Variants in ARB2A observed in about 807,000 individuals in gnomAD.
ARB2A encodes ARB2 cotranscriptional regulator A.
At chr5:93,658,235 T>C in the ARB2A span, among the ~76,000 whole-genome samples, 1 of 152,106 alleles carries the variant, frequency 6.6e-6, no homozygotes, top group African/African-American at 2.4e-5. Flanking sequence ...CTGCCAAAAA[T>C]GTGGTTAAGA....
the ARB2A span, chr5:93,862,303 C>G: frequency 6.6e-6 from 1 of 152,104 alleles, no homozygotes; most frequent in Non-Finnish European, 1.5e-5. Flanking sequence ...AAAATAAGTT[C>G]CCCTGAAAGT....
the ARB2A span, among the ~76,000 whole-genome samples, chr5:94,091,312 C>A: frequency 2.0e-5 from 3 of 152,134 alleles, no homozygotes; most frequent in Non-Finnish European, 4.4e-5. Context: ...TAAAACTTCA[C>A]CATTACAATC....
the ARB2A span, among the ~76,000 whole-genome samples, chr5:93,657,213 C>T: frequency 1.3e-5 from 2 of 152,226 alleles, no homozygotes; most frequent in South Asian, 4.1e-4. Context: ...AAACTGCTTC[C>T]TTTTGATTTT....
At chr5:93,942,922 C>T in the ARB2A span, among the ~76,000 whole-genome samples, 2 of 152,040 alleles carry the variant, frequency 1.3e-5, no homozygotes, top group Non-Finnish European at 2.9e-5. Context: ...TCTTAGACAT[C>T]ATTCCAGATT....
At chr5:94,086,700 C>T in the ARB2A span, among the ~76,000 whole-genome samples, 4 of 152,020 alleles carry the variant, frequency 2.6e-5, no homozygotes, top group Admixed American at 2.6e-4. Context: ...TTACAGGTGC[C>T]CGCCACCACG....
At chr5:93,660,633 T>A in the ARB2A span, among the ~76,000 whole-genome samples, 1 of 152,060 alleles carries the variant, frequency 6.6e-6, no homozygotes, top group Non-Finnish European at 1.5e-5. Flanking sequence ...GACACAGAAG[T>A]TTGGATTTCA....
At chr5:93,649,584 A>G in the ARB2A span, among the ~76,000 whole-genome samples, 1 of 152,272 alleles carries the variant, frequency 6.6e-6, no homozygotes, top group African/African-American at 2.4e-5. Context: ...AAATCTGTGT[A>G]TAAATTCTTT....
At chr5:94,005,667 A>C in the ARB2A span, among the ~76,000 whole-genome samples, 1 of 152,246 alleles carries the variant, frequency 6.6e-6, no homozygotes, top group Admixed American at 6.5e-5. Context: ...ATAATACATA[A>C]AGAACTCTTA....
chr5:93,801,985 C>T, the ARB2A span, among the ~76,000 whole-genome samples: 1 of 151,990 alleles, frequency 6.6e-6, no homozygotes, highest in South Asian at 2.1e-4. Flanking sequence ...GTATATTTAG[C>T]CTGTATTAGA....
the ARB2A span, among the ~76,000 whole-genome samples, chr5:93,635,785 T>C: frequency 4.6e-5 from 7 of 152,272 alleles, no homozygotes; most frequent in East Asian, 1.3e-3. Flanking sequence ...TACTAGTCAT[T>C]TCATGTATGA....
chr5:93,873,445 GAAAGGA>G, the ARB2A span, among the ~76,000 whole-genome samples: 1 of 147,604 alleles, frequency 6.8e-6, no homozygotes, highest in Non-Finnish European at 1.5e-5. Context: ...AAAGGGAAAG[GAAAGGA>G]AAAGGAAAAG....
chr5:93,862,607 T>C, the ARB2A span: 1 of 152,134 alleles, frequency 6.6e-6, no homozygotes, highest in Non-Finnish European at 1.5e-5. Flanking sequence ...AGGGAGGCTG[T>C]GATTACTAGT....
the ARB2A span, among the ~76,000 whole-genome samples, chr5:93,900,799 A>C: frequency 2.6e-5 from 4 of 152,074 alleles, no homozygotes; most frequent in Admixed American, 2.6e-4. Context: ...CAAGAAGCAA[A>C]ATTGAGCAAT....
chr5:93,979,760 T>C, the ARB2A span, among the ~76,000 whole-genome samples: 1 of 152,086 alleles, frequency 6.6e-6, no homozygotes, highest in African/African-American at 2.4e-5. Flanking sequence ...GCTTTTTCTA[T>C]GTTTCTTTCT....
chr5:93,911,058 T>C, the ARB2A span: 1 of 151,634 alleles, frequency 6.6e-6, no homozygotes, highest in African/African-American at 2.4e-5. Flanking sequence ...CATTGTTGTT[T>C]AACATTACTG....
the ARB2A span, among the ~76,000 whole-genome samples, chr5:94,076,406 C>A: frequency 6.6e-6 from 1 of 152,022 alleles, no homozygotes; most frequent in Non-Finnish European, 1.5e-5. Flanking sequence ...TGTCTATATC[C>A]CTTCAAGAAA....
chr5:93,987,431 T>G, the ARB2A span, among the ~76,000 whole-genome samples: 7 of 152,228 alleles, frequency 4.6e-5, no homozygotes, highest in African/African-American at 1.7e-4. Context: ...ATGAGTGGTC[T>G]AATTAGAACC....
At chr5:93,755,565 C>A in the ARB2A span, among the ~76,000 whole-genome samples, 1 of 152,240 alleles carries the variant, frequency 6.6e-6, no homozygotes, top group Middle Eastern at 3.2e-3. Context: ...AGTGCCCCAA[C>A]TGCGGAAGCG....
chr5:94,018,999 AT>A, the ARB2A span, among the ~76,000 whole-genome samples: 1 of 152,192 alleles, frequency 6.6e-6, no homozygotes, highest in Non-Finnish European at 1.5e-5. Context: ...GATCTCAGAA[AT>A]AACATCACAC....
Sources: allele counts gnomAD v4.1 joint callset (sites outside exome capture counted in the v4.1 genomes callset), GRCh38; gene constraint gnomAD v4.1.1; transcripts MANE v1.5; gene names NCBI Gene and HGNC (gene_info 2026-07-23, HGNC 2026-07-21).